DYRK1A: variants seen among roughly 807,000 people sequenced by gnomAD.
DYRK1A encodes dual specificity tyrosine phosphorylation regulated kinase 1A.
Under a neutral mutation model 79.7 loss-of-function variants are expected in DYRK1A, and 9 were observed. The ratio of observed to expected loss-of-function variants is 0.11; its 90% CI spans 0.07 to 0.20. The LOEUF is 0.20. Among genes scored for constraint, DYRK1A ranks in the 10% least tolerant of loss-of-function variants. DYRK1A has a pLI of 1.00. For missense variants in DYRK1A, 622 were observed against 956.0 expected (o/e 0.65, Z 4.61); for synonymous variants, 349 against 329.7 (o/e 1.06, Z -0.63).
intron 7 of DYRK1A, among the ~76,000 whole-genome samples, chr21:37,492,666 G>A (rs2053134703): frequency 6.6e-6 from 1 of 151,982 alleles, no homozygotes; most frequent in Non-Finnish European, 1.5e-5. Flanking sequence ...CTAAGTGCCA[G>A]CCATAGTAGG....
chr21:37,482,521 C>G (rs1216357825), intron 5 of DYRK1A, among the ~76,000 whole-genome samples: 1 of 152,102 alleles, frequency 6.6e-6, no homozygotes, highest in Admixed American at 6.5e-5. Flanking sequence ...TATAATATCA[C>G]AAGGCAAATG....
Position 37,420,342 on chromosome 21 carries a change from C to G in DYRK1A, c.-33C>G. 6.2e-7 allele frequency: 1 copy of G among 1,609,644 alleles called. No homozygotes were observed. The highest frequency in any genetic ancestry group is 8.5e-7 in the Non-Finnish European group (1 of 1,177,154). On this transcript the variant is annotated 5_prime_UTR_variant, in exon 2 of 12. Transcript: ENST00000647188. The stretch of plus-strand genomic sequence containing the variant: ...GGACTCTTCCCTCCCTTCCCCCACC[C>G]CATCAGGATGATATGAGACTTGAAA...
At chr21:37,484,409 C>G (rs565614428) in intron 5 of DYRK1A, among the ~76,000 whole-genome samples, 4 of 150,484 alleles carry the variant, frequency 2.7e-5, no homozygotes, top group African/African-American at 9.8e-5. Context: ...GCTCATTGCA[C>G]CCTCCGCCTT....
At chr21:37,416,568 T>A (rs2050346451) in intron 1 of DYRK1A, among the ~76,000 whole-genome samples, 1 of 152,134 alleles carries the variant, frequency 6.6e-6, no homozygotes, top group Non-Finnish European at 1.5e-5. Context: ...ATTTCTAAAA[T>A]TGCTATATGG....
intron 2 of DYRK1A, among the ~76,000 whole-genome samples, chr21:37,436,279 G>A (rs887439525): frequency 2.6e-5 from 4 of 152,142 alleles, no homozygotes; most frequent in Non-Finnish European, 5.9e-5. Flanking sequence ...TTAGGGTGAG[G>A]AATAGGTGAG....
intron 11 of DYRK1A, among the ~76,000 whole-genome samples, chr21:37,509,115 AG>A (rs1390663130): frequency 2.6e-5 from 4 of 152,224 alleles, no homozygotes; most frequent in Non-Finnish European, 5.9e-5. Flanking sequence ...ATTCAGCGAA[AG>A]GTTTTCCTTC....
intron 1 of DYRK1A, among the ~76,000 whole-genome samples, chr21:37,372,140 AT>A (rs2049444265): frequency 6.6e-6 from 1 of 151,948 alleles, no homozygotes; most frequent in South Asian, 2.1e-4. Context: ...GCACCCATGT[AT>A]TTGGGTAAAA....
At chr21:37,376,496 A>AT (rs927125776) in intron 1 of DYRK1A, among the ~76,000 whole-genome samples, 6 of 150,562 alleles carry the variant, frequency 4.0e-5, no homozygotes, top group East Asian at 1.9e-4. Flanking sequence ...CTTCGTCTCA[A>AT]TTTTTTTTTT....
intron 2 of DYRK1A, among the ~76,000 whole-genome samples, chr21:37,436,049 G>A (rs561102505): frequency 1.9e-4 from 29 of 152,208 alleles, no homozygotes; most frequent in South Asian, 8.3e-4. Flanking sequence ...TACATGTGAC[G>A]TTAGATTAAA....
chr21:37,370,968 C>T (rs1602346250), intron 1 of DYRK1A, among the ~76,000 whole-genome samples: 1 of 152,124 alleles, frequency 6.6e-6, no homozygotes, highest in Non-Finnish European at 1.5e-5. Context: ...CAGATGTTAT[C>T]TTGACTGTTG....
intron 1 of DYRK1A, among the ~76,000 whole-genome samples, chr21:37,370,417 C>T (rs562041014): frequency 3.1e-4 from 47 of 151,648 alleles, no homozygotes; most frequent in African/African-American, 1.1e-3. Context: ...GTATTATAGG[C>T]GAGAAGGGAA....
chr21:37,454,687 G>A (rs2051576342), intron 2 of DYRK1A, among the ~76,000 whole-genome samples: 1 of 152,152 alleles, frequency 6.6e-6, no homozygotes, highest in Admixed American at 6.5e-5. Context: ...TTATCTCATT[G>A]TTACTTGAGA....
At chr21:37,458,981 T>C (rs893415944) in intron 2 of DYRK1A, among the ~76,000 whole-genome samples, 2 of 152,210 alleles carry the variant, frequency 1.3e-5, no homozygotes, top group African/African-American at 2.4e-5. Context: ...GTGACATTAC[T>C]GCATGTCAGG....
rs1208280806 is a variant in DYRK1A, at chr21:37,519,516, T to C, written c.*6985T>C. ...TATAATATGCGGCTAAACAGCGGAGTCCACAGCCTGAATGGAACTTCTTTT... is the reference window on the plus strand; with the variant it reads ...TATAATATGCGGCTAAACAGCGGAGCCCACAGCCTGAATGGAACTTCTTTT... On this transcript the variant is annotated 3_prime_UTR_variant, in exon 12 of 12. Coordinates refer to ENST00000647188, the MANE Select transcript of DYRK1A (RefSeq NM_001347721.2). 1.3e-5 allele frequency: 2 copies of C among 151,838 alleles called. No homozygotes were observed. The highest frequency in any genetic ancestry group is 4.8e-5 in the African/African-American group (2 of 41,284). 9.4% of individuals were successfully genotyped at this position (151,838 alleles called of 1,614,324 possible).
chr21:37,451,365 C>CCCCCCCCAT (rs59321172), intron 2 of DYRK1A, among the ~76,000 whole-genome samples: 135 of 140,474 alleles, frequency 9.6e-4, no homozygotes, highest in East Asian at 1.3e-3. Context: ...TCCATCCCTC[C>CCCCCCCCAT]CTCCCTCCAT....
chr21:37,500,178 T>C (rs1000982940), intron 9 of DYRK1A, among the ~76,000 whole-genome samples: 14 of 152,328 alleles, frequency 9.2e-5, no homozygotes, highest in Non-Finnish European at 1.9e-4. Context: ...GTATGTCTTT[T>C]TTGCTTTTTT....
chr21:37,380,166 G>A (rs2148368626), intron 1 of DYRK1A, among the ~76,000 whole-genome samples: 1 of 152,220 alleles, frequency 6.6e-6, no homozygotes, highest in African/African-American at 2.4e-5. Flanking sequence ...GATAAAAATA[G>A]GACTCTAGCC....
At chr21:37,447,130 C>G (rs1476465305) in intron 2 of DYRK1A, among the ~76,000 whole-genome samples, 2 of 152,126 alleles carry the variant, frequency 1.3e-5, no homozygotes, top group Non-Finnish European at 2.9e-5. Flanking sequence ...TCCCCTTCCT[C>G]CCTGTCAATC....
chr21:37,390,988 G>A (rs766559820), intron 1 of DYRK1A, among the ~76,000 whole-genome samples: 14 of 152,172 alleles, frequency 9.2e-5, no homozygotes, highest in African/African-American at 3.4e-4. Flanking sequence ...CTCAGTGTGC[G>A]CCTGGTGTTT....
Sources: gnomAD v4.1 joint callset for allele counts (sites outside exome capture counted in the v4.1 genomes callset) on GRCh38, gnomAD v4.1.1 for gene constraint, MANE v1.5 for transcripts, NCBI Gene and HGNC (gene_info 2026-07-23, HGNC 2026-07-21) for gene names.